The following KCNA6 variants were observed in gnomAD, a reference collection of about 807,000 sequenced individuals.
The protein encoded by KCNA6 is potassium voltage-gated channel subfamily A member 6, also known as human brain potassium channel-2.
KCNA6 carries 17 observed loss-of-function variants against 29.5 expected under a neutral mutation model. That is an observed-to-expected ratio of 0.58 (90% CI 0.39 to 0.86). The LOEUF is 0.86. Ranked by LOEUF, KCNA6 falls within the 40% of genes least tolerant of loss-of-function variation. The pLI, the probability that KCNA6 is intolerant of heterozygous loss-of-function variation, is 0.00. For synonymous variants in KCNA6, 296 were observed against 304.7 expected (o/e 0.97, Z 0.30); for missense variants, 450 against 703.4 (o/e 0.64, Z 4.07).
At chr12:4,819,377 G>C in the KCNA6 span, among the ~76,000 whole-genome samples, 1 of 152,218 alleles carries the variant, frequency 6.6e-6, no homozygotes, top group East Asian at 1.9e-4. Flanking sequence ...CCCTGTTCCA[G>C]TGGCTTTCAA....
the KCNA6 span, among the ~76,000 whole-genome samples, chr12:4,824,204 T>C: frequency 6.6e-6 from 1 of 152,220 alleles, no homozygotes; most frequent in African/African-American, 2.4e-5. Flanking sequence ...GCAAAAGTTA[T>C]TATTTCATGG....
chr12:4,832,160 C>G, the KCNA6 span, among the ~76,000 whole-genome samples: 1 of 151,992 alleles, frequency 6.6e-6, no homozygotes, highest in East Asian at 1.9e-4. Context: ...CTTCAGACCC[C>G]GAGAGCCTGG....
At chr12:4,826,624 T>C in the KCNA6 span, among the ~76,000 whole-genome samples, 2 of 152,214 alleles carry the variant, frequency 1.3e-5, no homozygotes, top group African/African-American at 4.8e-5. Context: ...AGTATTGTTC[T>C]CCCACCAGAG....
chr12:4,820,546 A>AACACACACACACACACAC, the KCNA6 span, among the ~76,000 whole-genome samples: 457 of 134,746 alleles, frequency 3.4e-3, 1 homozygote, highest in Middle Eastern at 0.012. Flanking sequence ...GGATTACCTA[A>AACACACACACACACACAC]ACACACACAC....
chr12:4,843,402 A>G, the KCNA6 span, among the ~76,000 whole-genome samples: 118,011 of 151,864 alleles, frequency 0.78, 46,182 homozygotes, highest in Non-Finnish European at 0.79. Flanking sequence ...GGATGGTCTC[A>G]ATCTCCTGAC....
rs752921105 is a variant in KCNA6, at chr12:4,811,544, C to A, written c.1503C>A (p.Phe501Leu). 1 of 1,614,220 alleles carries A rather than the reference C, an allele frequency of 6.2e-7. No homozygotes were observed. The highest frequency in any genetic ancestry group is 8.5e-7 in the Non-Finnish European group (1 of 1,180,046). Residue 501 changes from phenylalanine (F) to leucine (L), a missense_variant, in exon 1 of 1, where the codon TTC (phenylalanine) becomes TTA (leucine). Transcript: ENST00000280684. This position sits in a 1 kb window ranked among gnomAD's most constrained non-coding sequence, Gnocchi z 7.1. Reference sequence around the variant, plus strand: ...ACAACGGACTTGGCAAGCCTGACTTCCCCGAGGCTAACCGGGAACGGAGAC... The same window carrying A: ...ACAACGGACTTGGCAAGCCTGACTTACCCGAGGCTAACCGGGAACGGAGAC...
the KCNA6 span, among the ~76,000 whole-genome samples, chr12:4,850,272 G>A: frequency 6.7e-6 from 1 of 148,292 alleles, no homozygotes; most frequent in Non-Finnish European, 1.5e-5. This position sits in a 1 kb window ranked among gnomAD's most constrained non-coding sequence, Gnocchi z 5.4. Flanking sequence ...GAACGCGCCT[G>A]ACGCTGGTGC....
chr12:4,842,948 A>G, the KCNA6 span, among the ~76,000 whole-genome samples: 16 of 152,266 alleles, frequency 1.1e-4, no homozygotes, highest in East Asian at 3.9e-4. Context: ...GACTAGGGCA[A>G]TGGTGATGGA....
chr12:4,827,536 G>A, the KCNA6 span, among the ~76,000 whole-genome samples: 1 of 152,174 alleles, frequency 6.6e-6, no homozygotes, highest in Non-Finnish European at 1.5e-5. Context: ...GAAGAAGTCT[G>A]TAGAAAGGAC....
chr12:4,834,370 T>A, the KCNA6 span, among the ~76,000 whole-genome samples: 1 of 152,202 alleles, frequency 6.6e-6, no homozygotes, highest in Admixed American at 6.5e-5. Context: ...ACGTCGTGTC[T>A]TGTACCCACT....
chr12:4,835,134 A>ATTT, the KCNA6 span, among the ~76,000 whole-genome samples: 357 of 136,302 alleles, frequency 2.6e-3, 2 homozygotes, highest in African/African-American at 9.4e-3. Flanking sequence ...ACAGAGAATG[A>ATTT]TTTTTTTTTT....
At chr12:4,824,863 C>G in the KCNA6 span, among the ~76,000 whole-genome samples, 1 of 152,180 alleles carries the variant, frequency 6.6e-6, no homozygotes, top group East Asian at 1.9e-4. Flanking sequence ...TCAGGGATGT[C>G]TTTAATTTGC....
chr12:4,847,543 T>G, the KCNA6 span, among the ~76,000 whole-genome samples: 4 of 152,162 alleles, frequency 2.6e-5, no homozygotes, highest in Non-Finnish European at 5.9e-5. Context: ...ATTTTTAATT[T>G]CCAAAGAATT....
At chr12:4,840,223 C>CTG in the KCNA6 span, among the ~76,000 whole-genome samples, 1 of 57,888 alleles carries the variant, frequency 1.7e-5, no homozygotes, top group Non-Finnish European at 4.2e-5. Flanking sequence ...ATCTATCTAT[C>CTG]TATCTATCTA....
chr12:4,813,298 A>G, exon 1 of KCNA6: 3 of 167,110 alleles, frequency 1.8e-5, no homozygotes. Context: ...CAGTTTACCC[A>G]CCCATTAAAT....
the KCNA6 span, among the ~76,000 whole-genome samples, chr12:4,835,134 A>ATT: frequency 1.1e-3 from 152 of 136,306 alleles, 1 homozygote; most frequent in South Asian, 1.7e-3. Flanking sequence ...ACAGAGAATG[A>ATT]TTTTTTTTTT....
chr12:4,827,237 T>TTCC, the KCNA6 span, among the ~76,000 whole-genome samples: 1 of 139,846 alleles, frequency 7.2e-6, no homozygotes, highest in Non-Finnish European at 1.6e-5. Context: ...TCCTCCTTCC[T>TTCC]TCCTTCCCTC....
At chr12:4,816,137 T>C (rs71459924), downstream of KCNA6, among the ~76,000 whole-genome samples, 1,925 of 152,290 alleles carry the variant, frequency 0.013, 19 homozygotes, top group Middle Eastern at 0.034. Flanking sequence ...TGTCTAAAAA[T>C]GGACCAGACA....
chr12:4,815,375 G>A (rs867124051), downstream of KCNA6, among the ~76,000 whole-genome samples: 3 of 152,212 alleles, frequency 2.0e-5, no homozygotes, highest in African/African-American at 7.2e-5. Flanking sequence ...AGCAAGATGA[G>A]ACTGCCATGG....
Sources: gnomAD v4.1 joint callset for allele counts (sites outside exome capture counted in the v4.1 genomes callset) on GRCh38, gnomAD v4.1.1 for gene constraint, Gnocchi (gnomAD v3.1) non-coding constraint, MANE v1.5 for transcripts, NCBI Gene and HGNC (gene_info 2026-07-23, HGNC 2026-07-21) for gene names.